Variants in ZBTB10 observed in about 807,000 individuals in gnomAD.
ZBTB10 encodes zinc finger and BTB domain-containing protein 10.
A neutral mutation model predicts 76.4 loss-of-function variants in ZBTB10; 32 were observed. That is an observed-to-expected ratio of 0.42 (90% CI 0.32 to 0.56). The LOEUF is 0.56. Ranked by LOEUF, ZBTB10 falls within the 20% of genes least tolerant of loss-of-function variation. The pLI, the probability that ZBTB10 is intolerant of heterozygous loss-of-function variation, is 0.14. For missense variants in ZBTB10, 1,057 were observed against 1,098.5 expected (o/e 0.96, Z 0.53); for synonymous variants, 523 against 432.9 (o/e 1.21, Z -2.58).
chr8:80,486,996 G>A lies in ZBTB10; in HGVS notation c.186G>A (p.Gly62=). ...CGCTTCAGCCGCCTAATGGGCGGGG[G>A]GCCGACGAGGAAGTGGAATTGGAGG... is the stretch of plus-strand genomic sequence containing the variant. The part of the protein sequence containing the change: ...PPALQPPNGR[G]ADEEVELEGL... The change falls in exon 1 of 6, where the codon GGG becomes GGA. Residue 62 remains glycine (G), a synonymous_variant. Transcript: ENST00000455036. 6.6e-7 allele frequency: 1 copy of A among 1,514,074 alleles called. No individual in the cohort carries two copies. The allele number at this position is 1,514,074 out of a possible 1,614,324, so 93.8% of individuals were successfully genotyped here.
In ZBTB10 at chr8:80,486,424, C is replaced by G; in HGVS notation, c.-387C>G. The G allele has an allele frequency of 1.0e-6, 1 of 983,624 alleles. No homozygotes were observed. The highest frequency in any genetic ancestry group is 1.2e-6 in the Non-Finnish European group (1 of 829,406). 60.9% of individuals were successfully genotyped at this position (983,624 alleles called of 1,614,324 possible). A position where few individuals can be genotyped will look rare whatever the true frequency, so the allele number is the denominator to read the frequency against. On this transcript the variant is annotated 5_prime_UTR_variant, in exon 1 of 6. Transcript: ENST00000455036. Reference sequence around the variant, plus strand: ...GGAGGATCGGTGTGTGCGCGCGCGGCTTTAAAGAGGGGGCAGCGGAGGGTC... The same window carrying G: ...GGAGGATCGGTGTGTGCGCGCGCGGGTTTAAAGAGGGGGCAGCGGAGGGTC...
In ZBTB10 at chr8:80,506,258, G is replaced by A. The variant is rs185314862; in HGVS notation, c.1861+5876G>A. ...TCTTAATCATTTTGGCAACAAATCA[G>A]CTATTTATATTTTTTTACTTCCTTA... On this transcript the variant is annotated intron_variant, in intron 2 of 5. Coordinates refer to ENST00000455036, the MANE Select transcript of ZBTB10 (RefSeq NM_001105539.3). Among the ~76,000 whole-genome samples, 43 of 152,128 alleles carry A rather than the reference G, an allele frequency of 2.8e-4. No individual in the cohort carries two copies. In the East Asian group the frequency reaches 2.9e-3, roughly 10 times the overall value.
chr8:80,514,560 A>G (rs1038704405), intron 3 of ZBTB10, among the ~76,000 whole-genome samples: 5 of 152,262 alleles, frequency 3.3e-5, no homozygotes, highest in African/African-American at 1.2e-4. Flanking sequence ...CAATCCCCAC[A>G]GGAAATAATT....
intron 1 of ZBTB10, among the ~76,000 whole-genome samples, chr8:80,488,460 C>G (rs1815540828): frequency 6.6e-6 from 1 of 152,054 alleles, no homozygotes; most frequent in Admixed American, 6.5e-5. Context: ...GATTTTTGTG[C>G]TGAGATTTCT....
upstream of ZBTB10, chr8:80,486,013 TC>T (rs1815437273): frequency 9.6e-7 from 1 of 1,037,054 alleles, no homozygotes; most frequent in African/African-American, 1.8e-5. Flanking sequence ...CGGCCTTTTG[TC>T]CCCAACCCCT....
At chr8:80,499,335 A>G (rs1387458142) in intron 1 of ZBTB10, among the ~76,000 whole-genome samples, 159 bp from the exon 2 acceptor site, 1 of 152,174 alleles carries the variant, frequency 6.6e-6, no homozygotes, top group Non-Finnish European at 1.5e-5. Context: ...TAATAATAGC[A>G]GTGGGTTGCA....
rs1020496545 is a variant in ZBTB10 at position 80,506,396 on chromosome 8, A to G, written c.1861+6014A>G. Among the ~76,000 whole-genome samples, 7 of 151,634 alleles carry G rather than the reference A, an allele frequency of 4.6e-5. No homozygotes were observed. The East Asian group carries it at 9.7e-4, about 21-fold the overall frequency. On this transcript the variant is annotated intron_variant, in intron 2 of 5. Transcript: ENST00000455036. ...AGTGGCGTGATCTTGGCTCACTGCA[A>G]CCTCACCTCCAGGGCTCAAGCAATT...
At position 80,521,179 on chromosome 8, in the gene ZBTB10, G is replaced by C. The variant is rs1816441350; in HGVS notation, c.*1651G>C. ...TAATGGTTTATTGTTAGACAATGATGTTTCTGCTTGGATAAATCAAAGATA... is the reference window on the plus strand; with the variant it reads ...TAATGGTTTATTGTTAGACAATGATCTTTCTGCTTGGATAAATCAAAGATA... On this transcript the variant is annotated 3_prime_UTR_variant, in exon 6 of 6. Transcript: ENST00000455036. The C allele has an allele frequency of 6.6e-6, 1 of 151,772 alleles. No individual in the cohort carries two copies. The highest frequency in any genetic ancestry group is 1.5e-5 in the Non-Finnish European group (1 of 67,764). The allele number at this position is 151,772 out of a possible 1,614,324, so 9.4% of individuals were successfully genotyped here.
intron 2 of ZBTB10, among the ~76,000 whole-genome samples, chr8:80,504,759 T>C (rs1014049696): frequency 2.6e-5 from 4 of 152,188 alleles, no homozygotes; most frequent in African/African-American, 9.7e-5. Flanking sequence ...TCTGATAATG[T>C]AAAAATTTCA....
rs1309787987 is a variant in ZBTB10 at position 80,493,582 on chromosome 8, C to T, written c.972+5800C>T. On this transcript the variant is annotated intron_variant, in intron 1 of 5. Coordinates refer to ENST00000455036, the MANE Select transcript of ZBTB10 (RefSeq NM_001105539.3). ...CTGTAATCCCAGCACTTCGGGAGGC[C>T]GAGGGGGATGGATCATCTGAGGTCG... is the stretch of plus-strand genomic sequence containing the variant. Among the ~76,000 whole-genome samples, 15 of 150,324 alleles carry T rather than the reference C, an allele frequency of 1.0e-4. 1 individual carries two copies. The highest frequency in any genetic ancestry group is 6.4e-3 in the Middle Eastern group (2 of 312).
At chr8:80,502,410 A>G (rs192244490) in intron 2 of ZBTB10, among the ~76,000 whole-genome samples, 3 of 152,090 alleles carry the variant, frequency 2.0e-5, no homozygotes, top group East Asian at 1.9e-4. Context: ...TAATTTTTTT[A>G]TTATTACTAG....
In ZBTB10 at chr8:80,521,744, C is replaced by T. The variant is rs980350235; in HGVS notation, c.*2216C>T. ...TTATGACCAAATTTTTGTTAGATTGCATACAGTAAATTGAAATACACACTT... is the reference window on the plus strand; with the variant it reads ...TTATGACCAAATTTTTGTTAGATTGTATACAGTAAATTGAAATACACACTT... On this transcript the variant is annotated 3_prime_UTR_variant, in exon 6 of 6. Coordinates refer to ENST00000455036, the MANE Select transcript of ZBTB10 (RefSeq NM_001105539.3). 6 of 151,722 alleles carry T rather than the reference C, an allele frequency of 4.0e-5. No individual in the cohort carries two copies. The highest frequency in any genetic ancestry group is 2.0e-4 in the Admixed American group (3 of 15,226). 9.4% of individuals were successfully genotyped at this position (151,722 alleles called of 1,614,324 possible).
At position 80,518,967 on chromosome 8, in the gene ZBTB10, A is replaced by G. The variant is rs772599238; in HGVS notation, c.2310+13A>G. 4 of 1,581,600 alleles carry G rather than the reference A, an allele frequency of 2.5e-6. No homozygotes were observed. Among genetic ancestry groups the G allele is most frequent in the Non-Finnish European group, 2.6e-6 (3 of 1,162,256 alleles). On this transcript the variant is annotated intron_variant, in intron 5 of 5. Transcript: ENST00000455036. ...AAGACATTCCCTGGTAAGTAACTTT[A>G]AATACAGCTGATCTTTGAGATAAAC...
chr8:80,514,175 T>C (rs1200545470), intron 3 of ZBTB10, among the ~76,000 whole-genome samples, 167 bp downstream of exon 3: 2 of 152,224 alleles, frequency 1.3e-5, no homozygotes, highest in African/African-American at 4.8e-5. Flanking sequence ...TAAATGCAAA[T>C]TGATGTTTCC....
At chr8:80,509,535 C>T (rs905949828) in intron 2 of ZBTB10, among the ~76,000 whole-genome samples, 2 of 152,096 alleles carry the variant, frequency 1.3e-5, no homozygotes, top group African/African-American at 4.8e-5. Context: ...CTACTCACTT[C>T]GCACGTGATT....
Position 80,486,652 on chromosome 8 carries a change from G to C in ZBTB10, c.-159G>C. 2 of 988,260 alleles carry C rather than the reference G, an allele frequency of 2.0e-6. No homozygotes were observed. Among genetic ancestry groups the C allele is most frequent in the Non-Finnish European group, 2.4e-6 (2 of 831,950 alleles). 61.2% of individuals were successfully genotyped at this position (988,260 alleles called of 1,614,324 possible). ...GTGCAGCAGACCCGGGAGCGAGCGCGAGCCGGGCTGCCGGGCGAGAGGGCG... is the reference window on the plus strand; with the variant it reads ...GTGCAGCAGACCCGGGAGCGAGCGCCAGCCGGGCTGCCGGGCGAGAGGGCG... On this transcript the variant is annotated 5_prime_UTR_variant, in exon 1 of 6. Coordinates refer to ENST00000455036, the MANE Select transcript of ZBTB10 (RefSeq NM_001105539.3).
chr8:80,486,853 G>A lies in ZBTB10; in HGVS notation c.43G>A (p.Gly15Arg). The change falls in exon 1 of 6, where the codon GGA (glycine) becomes AGA (arginine). Residue 15 changes from glycine to arginine, a missense_variant. Coordinates refer to ENST00000455036, the MANE Select transcript of ZBTB10 (RefSeq NM_001105539.3). ...EMNRRTLAFRGGGLVTASGGG... is the reference protein window; with the variant it reads ...EMNRRTLAFRRGGLVTASGGG... ...GAACCGCAGGACGCTGGCGTTCCGA[G>A]GAGGCGGGTTGGTCACCGCTAGCGG... 6.6e-7 allele frequency: 1 copy of A among 1,507,786 alleles called. No individual in the cohort carries two copies. 93.4% of individuals were successfully genotyped at this position (1,507,786 alleles called of 1,614,324 possible). A position where few individuals can be genotyped will look rare whatever the true frequency, so the allele number is the denominator to read the frequency against.
chr8:80,489,348 TTAAG>T (rs1815565397), intron 1 of ZBTB10, among the ~76,000 whole-genome samples: 1 of 152,212 alleles, frequency 6.6e-6, no homozygotes, highest in Non-Finnish European at 1.5e-5. Flanking sequence ...CCTTAAAGGG[TTAAG>T]TAACATTCCT....
In ZBTB10 at chr8:80,499,664, C is replaced by G; in HGVS notation, c.1143C>G (p.Ile381Met). Reference protein sequence around the residue: ...SGKIFKAHKNILVAGSRFFKT... With the variant: ...SGKIFKAHKNMLVAGSRFFKT... Reference sequence around the variant, plus strand: ...AAATCTTCAAAGCTCATAAGAACATCCTGGTTGCAGGCAGCCGTTTCTTTA... The same window carrying G: ...AAATCTTCAAAGCTCATAAGAACATGCTGGTTGCAGGCAGCCGTTTCTTTA... Residue 381 changes from isoleucine (I) to methionine (M), a missense_variant, in exon 2 of 6, where the codon ATC (isoleucine) becomes ATG (methionine). Ile to Met is a conservative substitution (Grantham distance 10, BLOSUM62 1). Transcript: ENST00000455036. 1 of 1,613,934 alleles carries G rather than the reference C, an allele frequency of 6.2e-7. No homozygotes were observed. Among genetic ancestry groups the G allele is most frequent in the Non-Finnish European group, 8.5e-7 (1 of 1,179,862 alleles).
Sources: gnomAD v4.1 joint callset for allele counts (sites outside exome capture counted in the v4.1 genomes callset) on GRCh38, gnomAD v4.1.1 for gene constraint, MANE v1.5 for transcripts, NCBI Gene and HGNC (gene_info 2026-07-23, HGNC 2026-07-21) for gene names.